Variants in ARHGAP26 observed in about 807,000 individuals in gnomAD.
The protein encoded by ARHGAP26 is Rho GTPase activating protein 26, also known as rho GTPase-activating protein 26.
In ARHGAP26, 38 loss-of-function variants were observed where a neutral mutation model predicts 104.8. The observed-to-expected ratio is 0.36, with a 90% CI of 0.28 to 0.48. The LOEUF is 0.48. ARHGAP26 is among the 20% of genes least tolerant of loss of function. The pLI, the probability that ARHGAP26 is intolerant of heterozygous loss-of-function variation, is 0.99. For synonymous variants in ARHGAP26, 341 were observed against 340.0 expected, an observed-to-expected ratio of 1.00 and a Z score of -0.03; for missense variants, 704 against 947.9, an observed-to-expected ratio of 0.74 and a Z score of 3.38.
chr5:142,959,342 G>T (rs1317798573), intron 11 of ARHGAP26, among the ~76,000 whole-genome samples: 1 of 152,198 alleles, frequency 6.6e-6, no homozygotes, highest in African/African-American at 2.4e-5. Context: ...CTCCATTTAT[G>T]AGCTCATAGT....
chr5:142,983,608 T>A (rs1460834800), intron 11 of ARHGAP26, among the ~76,000 whole-genome samples: 2 of 152,248 alleles, frequency 1.3e-5, no homozygotes, highest in African/African-American at 4.8e-5. Context: ...AATGCAGATT[T>A]TCACGCATTT....
chr5:142,789,667 T>G (rs1286590818), intron 1 of ARHGAP26, among the ~76,000 whole-genome samples: 1 of 152,226 alleles, frequency 6.6e-6, no homozygotes, highest in Admixed American at 6.5e-5. Context: ...TCGCTGGTCA[T>G]GAATTATTTC....
intron 11 of ARHGAP26, among the ~76,000 whole-genome samples, chr5:142,978,093 A>T (rs1598459498): frequency 6.6e-6 from 1 of 152,208 alleles, no homozygotes; most frequent in Admixed American, 6.5e-5. Context: ...AGGCCTTCCC[A>T]CAATGAGCAC....
chr5:143,187,903 C>G (rs1038426946), intron 20 of ARHGAP26, among the ~76,000 whole-genome samples: 1 of 152,196 alleles, frequency 6.6e-6, no homozygotes, highest in African/African-American at 2.4e-5. Flanking sequence ...GCTCTTGACA[C>G]TGATTGTCCC....
intron 11 of ARHGAP26, among the ~76,000 whole-genome samples, chr5:143,000,577 C>T (rs540277037): frequency 6.6e-6 from 1 of 152,272 alleles, no homozygotes; most frequent in Non-Finnish European, 1.5e-5. Flanking sequence ...CACATGTACA[C>T]GTATGTTTAT....
At chr5:143,050,414 T>C (rs1784845333) in intron 14 of ARHGAP26, among the ~76,000 whole-genome samples, 1 of 152,200 alleles carries the variant, frequency 6.6e-6, no homozygotes, top group Non-Finnish European at 1.5e-5. Flanking sequence ...GAAGGTATTA[T>C]ACAGCAGTGC....
At position 143,032,271 on chromosome 5, in the gene ARHGAP26, G is replaced by T. The variant is rs1363282295; in HGVS notation, c.1145-4925G>T. Among the ~76,000 whole-genome samples, 25 of 101,088 alleles carry T rather than the reference G, an allele frequency of 2.5e-4. No homozygotes were observed. In the Admixed American group the frequency reaches 3.1e-3, roughly 13 times the overall value. The allele number at this position is 101,088 out of a possible 152,430, so 66.3% of individuals were successfully genotyped here. ...CCTCGTGTGTACACTGAGCAGAGCT[G>T]AACCTGAGGCTGAGGGAGGGAAGTA... On this transcript the variant is annotated intron_variant, in intron 12 of 22. Coordinates refer to ENST00000645722, the MANE Select transcript of ARHGAP26 (RefSeq NM_001135608.3).
At chr5:143,146,744 A>G (rs1260872533) in intron 19 of ARHGAP26, among the ~76,000 whole-genome samples, 1 of 152,248 alleles carries the variant, frequency 6.6e-6, no homozygotes, top group African/African-American at 2.4e-5. Context: ...TGGTGGCTAA[A>G]TAGTAGATCT....
chr5:143,205,710 G>T (rs1048843812), intron 20 of ARHGAP26, among the ~76,000 whole-genome samples: 2 of 152,174 alleles, frequency 1.3e-5, no homozygotes, highest in African/African-American at 2.4e-5. Flanking sequence ...TATAGGCTGG[G>T]TATCCTTAGA....
chr5:143,221,073 C>T (rs1811067989), intron 22 of ARHGAP26, among the ~76,000 whole-genome samples: 1 of 152,194 alleles, frequency 6.6e-6, no homozygotes, highest in Non-Finnish European at 1.5e-5. Flanking sequence ...TGCCTCACTG[C>T]AGAGTGATCT....
chr5:142,961,893 T>C (rs1304354108), intron 11 of ARHGAP26, among the ~76,000 whole-genome samples: 3 of 152,244 alleles, frequency 2.0e-5, no homozygotes, highest in Non-Finnish European at 4.4e-5. Flanking sequence ...TTTAAATTTG[T>C]TATTTTCATT....
chr5:142,783,952 G>A (rs998791133), intron 1 of ARHGAP26, among the ~76,000 whole-genome samples: 2 of 152,238 alleles, frequency 1.3e-5, no homozygotes, highest in Non-Finnish European at 2.9e-5. Context: ...CACCACCCCT[G>A]CTGTGGACAA....
At chr5:142,802,916 A>C (rs1166225001) in intron 1 of ARHGAP26, among the ~76,000 whole-genome samples, 1 of 152,184 alleles carries the variant, frequency 6.6e-6, no homozygotes, top group East Asian at 1.9e-4. Context: ...ACTTGGGCCT[A>C]CCCCATAGGG....
At chr5:143,006,430 T>C (rs987048426) in intron 11 of ARHGAP26, among the ~76,000 whole-genome samples, 3 of 151,830 alleles carry the variant, frequency 2.0e-5, no homozygotes, top group Admixed American at 1.3e-4. Context: ...CCTTTATGTA[T>C]AATTCTACAG....
intron 5 of ARHGAP26, among the ~76,000 whole-genome samples, chr5:142,886,769 T>A (rs1598086257): frequency 2.0e-5 from 3 of 152,120 alleles, no homozygotes; most frequent in Admixed American, 2.0e-4. Flanking sequence ...TATCCCAACT[T>A]GACATGAGGA....
intron 17 of ARHGAP26, among the ~76,000 whole-genome samples, chr5:143,073,462 G>A (rs961806888): frequency 6.6e-6 from 1 of 152,114 alleles, no homozygotes. Context: ...CATTCATTTT[G>A]CCATGTATTA....
chr5:143,031,434 T>G (rs557587443), intron 12 of ARHGAP26, among the ~76,000 whole-genome samples: 1 of 152,226 alleles, frequency 6.6e-6, no homozygotes, highest in African/African-American at 2.4e-5. Flanking sequence ...ATGATGATGA[T>G]GAAGAAATTG....
intron 20 of ARHGAP26, among the ~76,000 whole-genome samples, chr5:143,195,458 A>G (rs566946179): frequency 6.6e-6 from 1 of 152,316 alleles, no homozygotes; most frequent in South Asian, 2.1e-4. Flanking sequence ...AAAGTAGACC[A>G]TACAGGAAAG....
intron 11 of ARHGAP26, among the ~76,000 whole-genome samples, chr5:142,971,350 A>G (rs1772245079): frequency 1.3e-5 from 2 of 152,204 alleles, no homozygotes; most frequent in Non-Finnish European, 2.9e-5. Context: ...GAAAGCATCT[A>G]TATCTTGGAA....
Sources: gnomAD v4.1 joint callset for allele counts (sites outside exome capture counted in the v4.1 genomes callset) on GRCh38, gnomAD v4.1.1 for gene constraint, MANE v1.5 for transcripts, NCBI Gene and HGNC (gene_info 2026-07-23, HGNC 2026-07-21) for gene names.